GPATCH2: variants seen among roughly 807,000 people sequenced by gnomAD.
GPATCH2 encodes the protein G-patch domain containing 2.
In GPATCH2, 51 loss-of-function variants were observed where a neutral mutation model predicts 58.0. That is an observed-to-expected ratio of 0.88 (90% CI 0.70 to 1.11). The LOEUF is 1.11. Ranked by LOEUF, GPATCH2 falls within the 50% of genes most tolerant of loss-of-function variation. The probability of loss-of-function intolerance (pLI) is 0.00; values close to 1 mark genes in which losing one functional copy is unlikely to be tolerated. For synonymous variants in GPATCH2, 222 were observed against 218.5 expected (o/e 1.02, Z -0.14); for missense variants, 625 against 652.2 (o/e 0.96, Z 0.45).
chr1:217,602,403 C>G (rs1209631373), intron 5 of GPATCH2, among the ~76,000 whole-genome samples: 2 of 152,152 alleles, frequency 1.3e-5, no homozygotes. Context: ...TAAGCTCTAA[C>G]TCATTCTCAA....
At chr1:217,521,813 G>C (rs1663475482) in intron 5 of GPATCH2, among the ~76,000 whole-genome samples, 1 of 152,028 alleles carries the variant, frequency 6.6e-6, no homozygotes, top group Non-Finnish European at 1.5e-5. Context: ...AATAGCCAAA[G>C]ATAAACCATA....
intron 8 of GPATCH2, among the ~76,000 whole-genome samples, chr1:217,451,148 T>C (rs761941122): frequency 1.3e-5 from 2 of 152,222 alleles, no homozygotes; most frequent in South Asian, 4.1e-4. Context: ...ACCAACTTTA[T>C]TAACGACTAG....
intron 5 of GPATCH2, among the ~76,000 whole-genome samples, chr1:217,594,118 T>C (rs1667712905): frequency 6.6e-6 from 1 of 152,220 alleles, no homozygotes; most frequent in South Asian, 2.1e-4. Context: ...GCTCCATAAA[T>C]GTAAAACTAA....
chr1:217,629,480 C>T (rs1414663669), intron 1 of GPATCH2, among the ~76,000 whole-genome samples: 2 of 152,120 alleles, frequency 1.3e-5, no homozygotes, highest in African/African-American at 4.8e-5. Flanking sequence ...CAATCACATT[C>T]TGATGTAGTC....
At chr1:217,581,215 A>G (rs1228828037) in intron 5 of GPATCH2, among the ~76,000 whole-genome samples, 2 of 152,156 alleles carry the variant, frequency 1.3e-5, no homozygotes, top group Non-Finnish European at 2.9e-5. Context: ...TACCCTTTAT[A>G]TGTTTTCATT....
At chr1:217,433,159 A>G (rs904702458) in intron 9 of GPATCH2, among the ~76,000 whole-genome samples, 5 of 151,992 alleles carry the variant, frequency 3.3e-5, no homozygotes, top group Non-Finnish European at 5.9e-5. Flanking sequence ...CTACAAAAAA[A>G]AGTTGGAACT....
At chr1:217,490,067 C>T (rs1000357379) in intron 8 of GPATCH2, among the ~76,000 whole-genome samples, 6 of 152,110 alleles carry the variant, frequency 3.9e-5, no homozygotes, top group East Asian at 1.9e-4. Context: ...AAAACTTCTT[C>T]GCAAAGGTCT....
At chr1:217,574,938 T>A (rs1277502990) in intron 5 of GPATCH2, among the ~76,000 whole-genome samples, 1 of 152,204 alleles carries the variant, frequency 6.6e-6, no homozygotes, top group African/African-American at 2.4e-5. Context: ...ACCTGAAATA[T>A]GAAAGATCAT....
intron 5 of GPATCH2, among the ~76,000 whole-genome samples, chr1:217,551,405 C>T (rs1044685800): frequency 6.6e-6 from 1 of 152,116 alleles, no homozygotes; most frequent in Non-Finnish European, 1.5e-5. Flanking sequence ...CAAACCCTAA[C>T]AAAGACCTAC....
At chr1:217,608,807 T>C in intron 5 of GPATCH2, 2 of 984,962 alleles carry the variant, frequency 2.0e-6, no homozygotes, top group Non-Finnish European at 2.4e-6. Context: ...TTACTTACAA[T>C]TACCAACACC....
intron 5 of GPATCH2, among the ~76,000 whole-genome samples, chr1:217,567,157 G>C (rs1046881162): frequency 3.3e-5 from 5 of 149,882 alleles, no homozygotes; most frequent in Non-Finnish European, 5.9e-5. Flanking sequence ...AGTGATTCTC[G>C]TGCCTCAGCC....
chr1:217,500,422 C>T (rs575027164), intron 6 of GPATCH2, among the ~76,000 whole-genome samples: 1 of 152,140 alleles, frequency 6.6e-6, no homozygotes, highest in Non-Finnish European at 1.5e-5. Context: ...TCCTTTGCTG[C>T]ACCTCTTGTT....
Position 217,519,450 on chromosome 1 carries a change from T to C in GPATCH2, c.1099-4561A>G, listed in dbSNP as rs114255279. The stretch of plus-strand genomic sequence containing the variant: ...AAAGTGATAATTCAAGGAACATAAA[T>C]TGGATATCATTTATAAGATTAAAAG... On this transcript the variant is annotated intron_variant, in intron 5 of 9. Transcript: ENST00000366935. Among the ~76,000 whole-genome samples the C allele has an allele frequency of 8.4e-3, 1,282 of 152,284 alleles. 8 individuals are homozygous for C. The highest frequency in any genetic ancestry group is 0.044 in the Middle Eastern group (13 of 294).
intron 8 of GPATCH2, among the ~76,000 whole-genome samples, chr1:217,489,727 C>T (rs1007489022): frequency 3.9e-5 from 6 of 151,940 alleles, no homozygotes; most frequent in Non-Finnish European, 5.9e-5. Flanking sequence ...CCGGGTGTGG[C>T]GGCACATGCC....
intron 3 of GPATCH2, among the ~76,000 whole-genome samples, chr1:217,613,819 G>C (rs961208564): frequency 6.6e-6 from 1 of 152,252 alleles, no homozygotes; most frequent in East Asian, 1.9e-4. Context: ...TGGAATTAGA[G>C]AATGAGAACC....
chr1:217,614,193 G>A lies in GPATCH2; in HGVS notation c.783C>T (p.Ser261=). The A allele has an allele frequency of 1.3e-6, 2 of 1,552,696 alleles. No individual in the cohort carries two copies. The highest frequency in any genetic ancestry group is 1.8e-6 in the Non-Finnish European group (2 of 1,125,736). The change falls in exon 3 of 10, where the codon AGC becomes AGT. Residue 261 remains serine, a synonymous_variant. Transcript: ENST00000366935. ...SDELMSESDS[S]SLSSTDAGLF... Reference sequence around the variant, plus strand: ...ATCCAGCATCAGTGCTGCTGAGACTGCTGGAATCACTGTAATAAGGAAAAA... The same window carrying A: ...ATCCAGCATCAGTGCTGCTGAGACTACTGGAATCACTGTAATAAGGAAAAA...
At chr1:217,436,932 G>T (rs1254844466) in intron 9 of GPATCH2, among the ~76,000 whole-genome samples, 3 of 152,182 alleles carry the variant, frequency 2.0e-5, no homozygotes, top group Non-Finnish European at 4.4e-5. Context: ...TGCATGGGGA[G>T]TTGCCGGCAA....
At chr1:217,568,659 G>T (rs1666387593) in intron 5 of GPATCH2, among the ~76,000 whole-genome samples, 1 of 152,192 alleles carries the variant, frequency 6.6e-6, no homozygotes, top group African/African-American at 2.4e-5. Context: ...GGCCAGTGTT[G>T]CTAGACAGAA....
At chr1:217,602,668 C>A (rs1278028480) in intron 5 of GPATCH2, among the ~76,000 whole-genome samples, 2 of 151,858 alleles carry the variant, frequency 1.3e-5, no homozygotes, top group Non-Finnish European at 2.9e-5. Context: ...ATTAGATCAG[C>A]AAAAAGGTAC....
Sources: allele counts gnomAD v4.1 joint callset (sites outside exome capture counted in the v4.1 genomes callset), GRCh38; gene constraint gnomAD v4.1.1; transcripts MANE v1.5; gene names NCBI Gene and HGNC (gene_info 2026-07-23, HGNC 2026-07-21).